NUMB: variants seen among roughly 807,000 people sequenced by gnomAD.
NUMB encodes the protein NUMB endocytic adaptor protein.
NUMB carries 29 observed loss-of-function variants against 59.7 expected under a neutral mutation model. That is an observed-to-expected ratio of 0.49 (90% CI 0.36 to 0.66). The LOEUF (loss-of-function observed/expected upper bound fraction) is 0.66, where lower values mean the gene tolerates loss of function less well. NUMB is among the 30% of genes least tolerant of loss of function. NUMB has a pLI of 0.00. For missense variants in NUMB, 723 were observed against 822.0 expected (o/e 0.88, Z 1.47); for synonymous variants, 288 against 288.2 (o/e 1.00, Z 0.01).
chr14:73,426,427 C>A (rs1368608016), intron 1 of NUMB, among the ~76,000 whole-genome samples: 2 of 152,092 alleles, frequency 1.3e-5, no homozygotes, highest in African/African-American at 4.8e-5. Flanking sequence ...CAGAACCTGG[C>A]CTGGCACAGG....
intron 11 of NUMB, among the ~76,000 whole-genome samples, chr14:73,281,046 G>A (rs148367210): frequency 4.6e-5 from 7 of 151,846 alleles, no homozygotes; most frequent in Non-Finnish European, 8.8e-5. Context: ...CTTTTTTGGT[G>A]GCAAAAAAAT....
intron 1 of NUMB, among the ~76,000 whole-genome samples, chr14:73,447,169 G>A (rs1270021718): frequency 6.9e-6 from 1 of 145,952 alleles, no homozygotes; most frequent in Non-Finnish European, 1.5e-5. Context: ...CCTGGCAACA[G>A]AGCGAGACTC....
rs1888644398 is a variant in NUMB at position 73,281,647 on chromosome 14, G to A, written c.1096+712C>T. On this transcript the variant is annotated intron_variant, in intron 11 of 12. Coordinates refer to ENST00000555238, the MANE Select transcript of NUMB (RefSeq NM_001005743.2). The stretch of plus-strand genomic sequence containing the variant: ...CCTCTGAGTCAATATCCACTATTTA[G>A]TCAGTATCTCTGAAAACAACTTTTA... 5 of 152,210 alleles carry A rather than the reference G, an allele frequency of 3.3e-5. 1 individual carries two copies. The South Asian group carries it at 1.0e-3, about 32-fold the overall frequency. 9.4% of individuals were successfully genotyped at this position (152,210 alleles called of 1,614,324 possible). A position where few individuals can be genotyped will look rare whatever the true frequency, so the allele number is the denominator to read the frequency against.
intron 1 of NUMB, among the ~76,000 whole-genome samples, chr14:73,419,504 A>G (rs1238762841): frequency 1.3e-5 from 2 of 152,268 alleles, no homozygotes; most frequent in South Asian, 4.1e-4. Flanking sequence ...GCGAGACTCC[A>G]TCACAAAATA....
At chr14:73,401,051 G>A (rs1331212590) in intron 2 of NUMB, among the ~76,000 whole-genome samples, 1 of 152,186 alleles carries the variant, frequency 6.6e-6, no homozygotes, top group Non-Finnish European at 1.5e-5. Flanking sequence ...TGCAATTTAA[G>A]TAGGGGATTG....
At position 73,325,647 on chromosome 14, in the gene NUMB, A is replaced by G. The variant is rs143496581; in HGVS notation, c.127-2443T>C. On this transcript the variant is annotated intron_variant, in intron 4 of 12. Transcript: ENST00000555238. ...TCTTCCTTTTAGGTTGACAAGCCTG[A>G]ACTTCTAGCCAGAAATCCAAAAGCG... Among the ~76,000 whole-genome samples, 95 of 152,336 alleles carry G rather than the reference A, an allele frequency of 6.2e-4. 1 individual carries two copies. Among genetic ancestry groups the G allele is most frequent in the African/African-American group, 9.1e-4 (38 of 41,588 alleles).
rs202079909 is a variant in NUMB, at chr14:73,370,176, CAT to C, written c.-100-3197_-100-3196del. ...AATTAGACCATGAGGGCTCTGCCCA[CAT>C]GAGTAGGATTAATGGATTAACACCA... On this transcript the variant is annotated intron_variant, in intron 2 of 12. Transcript: ENST00000555238. Among the ~76,000 whole-genome samples the C allele has an allele frequency of 3.7e-3, 562 of 152,148 alleles. 2 individuals are homozygous for C. Among genetic ancestry groups the C allele is most frequent in the Middle Eastern group, 0.014 (4 of 294 alleles).
intron 2 of NUMB, among the ~76,000 whole-genome samples, chr14:73,381,973 G>C (rs1271722769): frequency 6.6e-6 from 1 of 152,086 alleles, no homozygotes; most frequent in Non-Finnish European, 1.5e-5. Flanking sequence ...AGAGCTTTTG[G>C]AAACCTCACA....
chr14:73,278,123 CAG>C (rs1657141331), intron 12 of NUMB, among the ~76,000 whole-genome samples: 1 of 149,362 alleles, frequency 6.7e-6, no homozygotes, highest in Non-Finnish European at 1.5e-5. Context: ...TCTGCTCTAA[CAG>C]AGCAAAAAGA....
intron 2 of NUMB, among the ~76,000 whole-genome samples, chr14:73,391,464 T>G (rs945877284): frequency 1.8e-4 from 28 of 152,130 alleles, no homozygotes; most frequent in African/African-American, 6.8e-4. Context: ...GGTTTATTAT[T>G]TAATTAAATA....
intron 7 of NUMB, among the ~76,000 whole-genome samples, chr14:73,294,668 C>T (rs1169106990): frequency 6.6e-6 from 1 of 151,032 alleles, no homozygotes; most frequent in Admixed American, 6.6e-5. Flanking sequence ...TAGGCACGCA[C>T]CACCATGCCC....
chr14:73,420,636 G>A (rs144790334), intron 1 of NUMB, among the ~76,000 whole-genome samples: 4 of 152,196 alleles, frequency 2.6e-5, no homozygotes, highest in Non-Finnish European at 5.9e-5. Flanking sequence ...CTTGCTTGAC[G>A]TGGCAAAACC....
rs35526624 is a variant in NUMB, at chr14:73,385,496, C to CTTTTTT, written c.-100-18521_-100-18516dup. Among the ~76,000 whole-genome samples, 14 of 65,352 alleles carry CTTTTTT rather than the reference C, an allele frequency of 2.1e-4. 1 individual carries two copies. Among genetic ancestry groups the CTTTTTT allele is most frequent in the African/African-American group, 5.9e-4 (10 of 16,910 alleles). 42.9% of individuals were successfully genotyped at this position (65,352 alleles called of 152,430 possible). A position where few individuals can be genotyped will look rare whatever the true frequency, so the allele number is the denominator to read the frequency against. On this transcript the variant is annotated intron_variant, in intron 2 of 12. Coordinates refer to ENST00000555238, the MANE Select transcript of NUMB (RefSeq NM_001005743.2). ...AAAATAGCTACATATGGCTAGTGGCCTTTTTTTTTTTTTTTTTTTTTTTGA... is the reference window on the plus strand; with the variant it reads ...AAAATAGCTACATATGGCTAGTGGCCTTTTTTTTTTTTTTTTTTTTTTTTTTTTTGA...
intron 5 of NUMB, among the ~76,000 whole-genome samples, chr14:73,320,645 G>T (rs960955355): frequency 1.3e-5 from 2 of 152,164 alleles, no homozygotes; most frequent in Admixed American, 6.5e-5. Flanking sequence ...TATGGTTATT[G>T]TAAGACTCAA....
At chr14:73,280,313 A>G (rs1380834527) in intron 11 of NUMB, among the ~76,000 whole-genome samples, 1 of 152,198 alleles carries the variant, frequency 6.6e-6, no homozygotes, top group Non-Finnish European at 1.5e-5. Context: ...CCTATTACAG[A>G]TGAGAAATCG....
At position 73,276,788 on chromosome 14, in the gene NUMB, G is replaced by A. The variant is rs761716395; in HGVS notation, c.1746C>T (p.His582=). 18 of 1,614,102 alleles carry A rather than the reference G, an allele frequency of 1.1e-5. No homozygotes were observed. Among genetic ancestry groups the A allele is most frequent in the Admixed American group, 5.0e-5 (3 of 60,014 alleles). The change falls in exon 13 of 13, where the codon CAC becomes CAT. Residue 582 remains histidine, a synonymous_variant. Coordinates refer to ENST00000555238, the MANE Select transcript of NUMB (RefSeq NM_001005743.2). ...CATTGAAAGCTGCAGAACCGTTGAGGTGCTGAGCAGGAGGCTTAAAGAAGG... is the reference window on the plus strand; with the variant it reads ...CATTGAAAGCTGCAGAACCGTTGAGATGCTGAGCAGGAGGCTTAAAGAAGG... ...TSPFFKPPAQ[H]LNGSAAFNGV...
intron 2 of NUMB, among the ~76,000 whole-genome samples, chr14:73,401,568 T>C (rs1896419205): frequency 2.8e-5 from 4 of 142,498 alleles, no homozygotes; most frequent in African/African-American, 1.1e-4. Flanking sequence ...ACTAAATTTT[T>C]TTTTTTTTTT....
At chr14:73,434,657 G>C (rs1897974906) in intron 1 of NUMB, among the ~76,000 whole-genome samples, 1 of 152,046 alleles carries the variant, frequency 6.6e-6, no homozygotes, top group Non-Finnish European at 1.5e-5. Flanking sequence ...CTTGAGGTGA[G>C]GAGTTCGAGA....
intron 1 of NUMB, among the ~76,000 whole-genome samples, chr14:73,414,236 G>A (rs898284324): frequency 2.6e-5 from 4 of 152,044 alleles, no homozygotes; most frequent in Admixed American, 2.0e-4. Context: ...GATTACAGGC[G>A]TAAGCCACCA....
Sources: allele counts gnomAD v4.1 joint callset (sites outside exome capture counted in the v4.1 genomes callset), GRCh38; gene constraint gnomAD v4.1.1; transcripts MANE v1.5; gene names NCBI Gene and HGNC (gene_info 2026-07-23, HGNC 2026-07-21).